The following UBE2J2 variants were observed in gnomAD, a reference collection of about 807,000 sequenced individuals.
UBE2J2 encodes ubiquitin-conjugating enzyme E2 J2.
Under a neutral mutation model 28.6 loss-of-function variants are expected in UBE2J2, and 5 were observed. The observed-to-expected ratio is 0.17, with a 90% CI of 0.09 to 0.37. The LOEUF (loss-of-function observed/expected upper bound fraction) is 0.37, where lower values mean the gene tolerates loss of function less well. UBE2J2 is among the 10% of genes least tolerant of loss of function. The probability of loss-of-function intolerance (pLI) is 1.00; values close to 1 mark genes in which losing one functional copy is unlikely to be tolerated. For missense variants in UBE2J2, 226 were observed against 338.9 expected (o/e 0.67, Z 2.62); for synonymous variants, 138 against 139.7 (o/e 0.99, Z 0.09).
intron 5 of UBE2J2, 80 bp downstream of exon 5, chr1:1,256,908 AAAAG>A (rs1195401210): frequency 5.9e-6 from 7 of 1,189,988 alleles, no homozygotes; most frequent in Admixed American, 3.0e-5. Context: ...AAAAAAAAAA[AAAAG>A]GCAGCTGCAA....
intron 2 of UBE2J2, 135 bp from the exon 3 acceptor site, chr1:1,263,521 A>T: frequency 1.3e-6 from 1 of 793,174 alleles, no homozygotes; most frequent in South Asian, 1.4e-5. Flanking sequence ...TGAAGGTGAA[A>T]TGTCACACAG....
rs182697898 is a variant in UBE2J2, at chr1:1,269,526, T to C, written c.1-1534A>G. On this transcript the variant is annotated intron_variant, in intron 1 of 6. Transcript: ENST00000349431. ...CCCAGGTTGGAGTGCAGTGGTGTGA[T>C]CTCCGCTCACTGCAACCTCTGCCTC... Among the ~76,000 whole-genome samples the C allele has an allele frequency of 2.4e-4, 36 of 151,710 alleles. No individual in the cohort carries two copies. The East Asian group carries it at 6.8e-3, about 29-fold the overall frequency.
At chr1:1,270,772 T>C (rs987382896) in intron 1 of UBE2J2, among the ~76,000 whole-genome samples, 1 of 151,046 alleles carries the variant, frequency 6.6e-6, no homozygotes, top group African/African-American at 2.5e-5. Context: ...CAAATAAACA[T>C]CAACACGTCC....
intron 3 of UBE2J2, 142 bp downstream of exon 3, chr1:1,263,203 AG>A: frequency 1.3e-6 from 1 of 754,472 alleles, no homozygotes; most frequent in Admixed American, 2.0e-5. Flanking sequence ...GCAGACGAGG[AG>A]GAGTTCCAAC....
Position 1,254,185 on chromosome 1 carries a change from G to C in UBE2J2, c.*1018C>G, listed in dbSNP as rs1388668805. On this transcript the variant is annotated 3_prime_UTR_variant, in exon 7 of 7. Transcript: ENST00000349431. ...GAAGAGGGGAGACGGCCGAGACCCG[G>C]GGAGCCACGCGGCCCGAAACAGCCC... The C allele has an allele frequency of 3.9e-5, 6 of 152,216 alleles. No homozygotes were observed. Among genetic ancestry groups the C allele is most frequent in the Non-Finnish European group, 7.3e-5 (5 of 68,050 alleles). 9.4% of individuals were successfully genotyped at this position (152,216 alleles called of 1,614,324 possible).
intron 3 of UBE2J2, chr1:1,262,232 A>G (rs572906469): frequency 2.3e-6 from 1 of 435,488 alleles, no homozygotes; most frequent in South Asian, 1.6e-5. Flanking sequence ...AAGTACTTTA[A>G]CACGCCCTGG....
chr1:1,271,860 G>A (rs1640160398), intron 1 of UBE2J2, among the ~76,000 whole-genome samples: 1 of 151,470 alleles, frequency 6.6e-6, no homozygotes, highest in Non-Finnish European at 1.5e-5. Flanking sequence ...TGTAATCCCA[G>A]CTACTCGGGT....
chr1:1,270,097 C>T (rs921135228), intron 1 of UBE2J2, among the ~76,000 whole-genome samples: 2 of 152,196 alleles, frequency 1.3e-5, no homozygotes, highest in African/African-American at 4.8e-5. Flanking sequence ...AGCCTGCTGC[C>T]ATGTGAGACA....
At chr1:1,265,605 G>GTGTT (rs1639812121) in intron 2 of UBE2J2, among the ~76,000 whole-genome samples, 1 of 98,380 alleles carries the variant, frequency 1.0e-5, no homozygotes, top group Admixed American at 9.7e-5. Context: ...TCTCTCCATT[G>GTGTT]TGTGTGTGTG....
intron 2 of UBE2J2, chr1:1,266,201 C>T: frequency 7.8e-7 from 1 of 1,280,934 alleles, no homozygotes; most frequent in Non-Finnish European, 1.0e-6. Context: ...CTCCGCCTGC[C>T]TGGGCTGGGC....
chr1:1,268,103 G>T lies in UBE2J2; in HGVS notation c.1-111C>A. The stretch of plus-strand genomic sequence containing the variant: ...CAGCCCGCCATTCATTCAGGGCCCG[G>T]TCACCCAGAGTCACAGCTCACAGGT... On this transcript the variant is annotated intron_variant, in intron 1 of 6. Coordinates refer to ENST00000349431, the MANE Select transcript of UBE2J2 (RefSeq NM_058167.3). The surrounding 1 kb of genome is among the most constrained non-coding windows in gnomAD (Gnocchi z 4.7). The T allele has an allele frequency of 7.1e-7, 1 of 1,410,164 alleles. No homozygotes were observed. The allele number at this position is 1,410,164 out of a possible 1,614,324, so 87.4% of individuals were successfully genotyped here.
intron 5 of UBE2J2, chr1:1,256,371 C>A (rs1639172067): frequency 7.0e-6 from 3 of 425,544 alleles, no homozygotes; most frequent in Non-Finnish European, 1.3e-5. Context: ...AAGCACCGGG[C>A]TCCCCGCTGA....
chr1:1,267,791 C>T, intron 2 of UBE2J2, 71 bp downstream of exon 2: 1 of 1,589,698 alleles, frequency 6.3e-7, no homozygotes, highest in Admixed American at 1.7e-5. Context: ...CAGGCTCGCC[C>T]AGCAGGGGCC....
chr1:1,255,373 G>A lies in UBE2J2; in HGVS notation c.610C>T (p.Leu204=). Residue 204 remains leucine, a synonymous_variant, in exon 7 of 7, where the codon CTG becomes TTG. Coordinates refer to ENST00000349431, the MANE Select transcript of UBE2J2 (RefSeq NM_058167.3). Reference sequence around the variant, plus strand: ...GCCCCCGGCGCATGCCCGTTGAGCAGCTGAATCCCGTTCTGGACGAGGTGC... The same window carrying A: ...GCCCCCGGCGCATGCCCGTTGAGCAACTGAATCCCGTTCTGGACGAGGTGC... ...ETHLVQNGIQ[L]LNGHAPGAVP... 6.2e-7 allele frequency: 1 copy of A among 1,613,844 alleles called. No individual in the cohort carries two copies. Among genetic ancestry groups the A allele is most frequent in the Non-Finnish European group, 8.5e-7 (1 of 1,180,042 alleles).
At chr1:1,265,428 CTAA>C (rs1357990840) in intron 2 of UBE2J2, among the ~76,000 whole-genome samples, 1 of 152,178 alleles carries the variant, frequency 6.6e-6, no homozygotes, top group African/African-American at 2.4e-5. Flanking sequence ...GGGCCTTCCC[CTAA>C]TGTTTTAGTT....
intron 3 of UBE2J2, chr1:1,262,320 G>C: frequency 2.2e-6 from 1 of 456,144 alleles, no homozygotes; most frequent in South Asian, 1.5e-5. Context: ...CACGATGATG[G>C]AGGGCCCACC....
At chr1:1,266,551 G>T (rs1639874113) in intron 2 of UBE2J2, among the ~76,000 whole-genome samples, 1 of 152,118 alleles carries the variant, frequency 6.6e-6, no homozygotes, top group Non-Finnish European at 1.5e-5. Flanking sequence ...GCCGGGCGTG[G>T]TGGCTCACGC....
chr1:1,269,168 G>A (rs1038692982), intron 1 of UBE2J2, among the ~76,000 whole-genome samples: 2 of 150,668 alleles, frequency 1.3e-5, no homozygotes, highest in African/African-American at 5.0e-5. Flanking sequence ...GGGGAGAGGG[G>A]TGGTGATCAT....
intron 5 of UBE2J2, 93 bp from the exon 6 acceptor site, chr1:1,256,218 C>T: frequency 1.1e-6 from 1 of 897,100 alleles, no homozygotes; most frequent in South Asian, 1.4e-5. Context: ...GGGCTGCAGT[C>T]TTCGTGTTGC....
Sources: allele counts gnomAD v4.1 joint callset (sites outside exome capture counted in the v4.1 genomes callset), GRCh38; gene constraint gnomAD v4.1.1; non-coding constraint Gnocchi (gnomAD v3.1); transcripts MANE v1.5; gene names NCBI Gene and HGNC (gene_info 2026-07-23, HGNC 2026-07-21).